Variants in BRINP3 observed in about 807,000 individuals in gnomAD.
BRINP3 encodes BMP/retinoic acid inducible neural specific 3.
Under a neutral mutation model 71.0 loss-of-function variants are expected in BRINP3, and 19 were observed. The observed-to-expected ratio is 0.27, with a 90% CI of 0.19 to 0.39. The LOEUF is 0.39. BRINP3 is among the 10% of genes least tolerant of loss of function. BRINP3 has a pLI of 1.00. For synonymous variants in BRINP3, 380 were observed against 337.7 expected, an observed-to-expected ratio of 1.13 and a Z score of -1.37; for missense variants, 959 against 940.8, an observed-to-expected ratio of 1.02 and a Z score of -0.25.
intron 6 of BRINP3, among the ~76,000 whole-genome samples, chr1:190,220,087 G>A (rs1254823582): frequency 1.3e-5 from 2 of 151,864 alleles, no homozygotes; most frequent in East Asian, 1.9e-4. Flanking sequence ...AAATATTCAG[G>A]TATAGAACGA....
At chr1:190,427,124 T>C (rs1311566258) in intron 2 of BRINP3, among the ~76,000 whole-genome samples, 1 of 151,910 alleles carries the variant, frequency 6.6e-6, no homozygotes, top group African/African-American at 2.4e-5. Context: ...TCAGATGAGA[T>C]TTGAAAACAC....
At chr1:190,246,828 T>G (rs1374672517) in intron 4 of BRINP3, among the ~76,000 whole-genome samples, 1 of 151,964 alleles carries the variant, frequency 6.6e-6, no homozygotes, top group Non-Finnish European at 1.5e-5. Context: ...TTTTCATCAC[T>G]CTCTAAAACT....
intron 6 of BRINP3, among the ~76,000 whole-genome samples, chr1:190,199,234 T>C (rs1392101508): frequency 1.3e-5 from 2 of 152,172 alleles, no homozygotes; most frequent in Admixed American, 1.3e-4. Flanking sequence ...GTGGGGATTA[T>C]AGGAGCTAAA....
intron 6 of BRINP3, among the ~76,000 whole-genome samples, chr1:190,212,385 A>T (rs1316122259): frequency 6.6e-6 from 1 of 152,100 alleles, no homozygotes; most frequent in Non-Finnish European, 1.5e-5. Context: ...GTTTGGAAAA[A>T]ATGATACATA....
chr1:190,358,783 T>C (rs1057382291), intron 2 of BRINP3, among the ~76,000 whole-genome samples: 13 of 152,060 alleles, frequency 8.5e-5, no homozygotes, highest in Non-Finnish European at 1.9e-4. Flanking sequence ...AATGATAGAC[T>C]GGATTAAGAA....
At chr1:190,427,702 T>C (rs1348942228) in intron 2 of BRINP3, among the ~76,000 whole-genome samples, 1 of 152,032 alleles carries the variant, frequency 6.6e-6, no homozygotes, top group East Asian at 1.9e-4. Flanking sequence ...AGATGCCTGG[T>C]CTTCAAAACA....
chr1:190,132,702 G>T (rs1654642199), intron 7 of BRINP3, among the ~76,000 whole-genome samples: 1 of 152,026 alleles, frequency 6.6e-6, no homozygotes, highest in South Asian at 2.1e-4. Context: ...TTTAAAATAT[G>T]TTCACAAGTT....
chr1:190,450,284 T>C (rs1488964077), intron 2 of BRINP3, among the ~76,000 whole-genome samples: 1 of 152,206 alleles, frequency 6.6e-6, no homozygotes, highest in Non-Finnish European at 1.5e-5. Context: ...CCACCTTTGT[T>C]GAGGCATTTG....
At chr1:190,468,404 A>T (rs2102695923) in intron 1 of BRINP3, among the ~76,000 whole-genome samples, 1 of 151,386 alleles carries the variant, frequency 6.6e-6, no homozygotes, top group Non-Finnish European at 1.5e-5. Context: ...GACAAAAGTG[A>T]TCTTTCATTT....
At chr1:190,269,671 CATGAG>C (rs1661943420) in intron 3 of BRINP3, among the ~76,000 whole-genome samples, 2 of 151,966 alleles carry the variant, frequency 1.3e-5, no homozygotes, top group African/African-American at 4.8e-5. Flanking sequence ...TAAGTCATAG[CATGAG>C]AAATACAAAT....
intron 2 of BRINP3, among the ~76,000 whole-genome samples, chr1:190,358,545 C>G (rs1369064506): frequency 6.6e-6 from 1 of 152,104 alleles, no homozygotes; most frequent in Non-Finnish European, 1.5e-5. Context: ...GAAATAGGAA[C>G]ACTTTTACAC....
chr1:190,445,026 G>A (rs966951340), intron 2 of BRINP3, among the ~76,000 whole-genome samples: 6 of 152,070 alleles, frequency 3.9e-5, no homozygotes, highest in South Asian at 2.1e-4. Flanking sequence ...CAATTAATTG[G>A]TGTAAGACTC....
intron 2 of BRINP3, among the ~76,000 whole-genome samples, chr1:190,422,170 G>A (rs1169036393): frequency 1.3e-5 from 2 of 151,724 alleles, no homozygotes. Context: ...TACTTAACTC[G>A]TGGTTAATTC....
At chr1:190,299,581 C>A (rs1476889596) in intron 2 of BRINP3, among the ~76,000 whole-genome samples, 9 of 112,382 alleles carry the variant, frequency 8.0e-5, no homozygotes, top group Admixed American at 7.2e-4. Flanking sequence ...TATCCCACCC[C>A]CCTCCCCCCA....
intron 2 of BRINP3, among the ~76,000 whole-genome samples, chr1:190,302,127 G>A (rs1435682445): frequency 6.6e-6 from 1 of 151,082 alleles, no homozygotes; most frequent in Non-Finnish European, 1.5e-5. Flanking sequence ...TAGCACATTT[G>A]TTACAATTAT....
intron 2 of BRINP3, among the ~76,000 whole-genome samples, chr1:190,448,767 T>G (rs1675407036): frequency 6.6e-6 from 1 of 151,954 alleles, no homozygotes; most frequent in African/African-American, 2.4e-5. Flanking sequence ...TTACATTTGC[T>G]ATATTTTTGT....
At chr1:190,100,883 T>G (rs948917822) in intron 7 of BRINP3, among the ~76,000 whole-genome samples, 5 of 152,332 alleles carry the variant, frequency 3.3e-5, no homozygotes, top group African/African-American at 1.2e-4. Context: ...TGATTGTTAA[T>G]GCAGTGATAT....
chr1:190,417,208 G>T (rs898268954), intron 2 of BRINP3, among the ~76,000 whole-genome samples: 1 of 150,426 alleles, frequency 6.6e-6, no homozygotes, highest in Non-Finnish European at 1.5e-5. Context: ...GGTGATTTTT[G>T]AGAAAAAAAA....
intron 7 of BRINP3, among the ~76,000 whole-genome samples, chr1:190,128,571 T>C (rs576659795): frequency 6.6e-6 from 1 of 151,878 alleles, no homozygotes; most frequent in East Asian, 1.9e-4. Context: ...TTTAATTTCT[T>C]AGAAGTCTGT....
Sources: gnomAD v4.1 joint callset for allele counts (sites outside exome capture counted in the v4.1 genomes callset) on GRCh38, gnomAD v4.1.1 for gene constraint, MANE v1.5 for transcripts, NCBI Gene and HGNC (gene_info 2026-07-23, HGNC 2026-07-21) for gene names.